The following THOC5 variants were observed in gnomAD, a reference collection of about 807,000 sequenced individuals.
THOC5 encodes THO complex subunit 5, also known as Fms-interacting protein.
A neutral mutation model predicts 92.9 loss-of-function variants in THOC5; 43 were observed. The ratio of observed to expected loss-of-function variants is 0.46; its 90% CI spans 0.36 to 0.60. THOC5 has a LOEUF of 0.60. Ranked by LOEUF, THOC5 falls within the 20% of genes least tolerant of loss-of-function variation. The probability of loss-of-function intolerance (pLI) is 0.00; values close to 1 mark genes in which losing one functional copy is unlikely to be tolerated. For missense variants in THOC5, 659 were observed against 849.4 expected (o/e 0.78, Z 2.79); for synonymous variants, 296 against 320.1 (o/e 0.92, Z 0.80).
chr22:29,511,974 C>T (rs1839873787), intron 18 of THOC5, 47 bp downstream of exon 18: 1 of 1,545,578 alleles, frequency 6.5e-7, no homozygotes. Context: ...GGCCACCTCC[C>T]CCGGGAGCTC....
chr22:29,552,468 C>T (rs1878475146), intron 1 of THOC5, among the ~76,000 whole-genome samples: 1 of 150,936 alleles, frequency 6.6e-6, no homozygotes, highest in Non-Finnish European at 1.5e-5. Context: ...GCGTCTCTGC[C>T]CGGCTGCCCC....
rs1334654148 is a variant in THOC5 at position 29,520,110 on chromosome 22, G to A, written c.1278-6C>T. 1 of 1,612,482 alleles carries A rather than the reference G, an allele frequency of 6.2e-7. No homozygotes were observed. The highest frequency in any genetic ancestry group is 8.5e-7 in the Non-Finnish European group (1 of 1,178,888). On this transcript the variant is annotated splice_region_variant and splice_polypyrimidine_tract_variant and intron_variant, in intron 13 of 19. Transcript: ENST00000490103. ...AGTCGCTCAAAGTCAGGATGCTGCA[G>A]AAAAGAAGATAAATAAAATTGTGCT...
chr22:29,551,389 G>A (rs997919382), intron 1 of THOC5, among the ~76,000 whole-genome samples: 18 of 152,034 alleles, frequency 1.2e-4, no homozygotes, highest in East Asian at 5.8e-4. Flanking sequence ...AGCCGAGATC[G>A]CAGCCACTTC....
At chr22:29,524,911 G>C (rs1477734272) in intron 12 of THOC5, among the ~76,000 whole-genome samples, 1 of 152,196 alleles carries the variant, frequency 6.6e-6, no homozygotes, top group African/African-American at 2.4e-5. Flanking sequence ...CAGTGCTCTT[G>C]TGAATGGAAG....
chr22:29,509,248 C>A (rs530695783), intron 19 of THOC5, among the ~76,000 whole-genome samples: 2 of 149,604 alleles, frequency 1.3e-5, no homozygotes, highest in South Asian at 4.3e-4. Flanking sequence ...TACACTCCAG[C>A]CTGGGCGACA....
intron 17 of THOC5, 78 bp from the exon 18 acceptor site, chr22:29,512,214 C>A: frequency 9.0e-7 from 1 of 1,108,036 alleles, no homozygotes; most frequent in South Asian, 1.3e-5. Flanking sequence ...CCACTGCACC[C>A]CTGAGGCTAG....
In THOC5 at chr22:29,512,078, G is replaced by A; in HGVS notation, c.1740C>T (p.Phe580=). 1 of 1,614,134 alleles carries A rather than the reference G, an allele frequency of 6.2e-7. No individual in the cohort carries two copies. Among genetic ancestry groups the A allele is most frequent in the Middle Eastern group, 1.6e-4 (1 of 6,062 alleles). ...NPGYSSIPPV[F]QLCLNWKGEK... is the part of the protein sequence containing the mutation. ...CCCCTTTCCAGTTCAAACAGAGCTG[G>A]AAAACAGGTGGGATGGAGGAGTAGC... Residue 580 remains phenylalanine (F), a synonymous_variant, in exon 18 of 20, where the codon TTC becomes TTT. Transcript: ENST00000490103.
chr22:29,553,127 G>A (rs1295184803), intron 1 of THOC5, among the ~76,000 whole-genome samples: 1 of 152,126 alleles, frequency 6.6e-6, no homozygotes, highest in Non-Finnish European at 1.5e-5. Context: ...CCTCTGCCTA[G>A]GAAAACCAGA....
chr22:29,526,455 C>A (rs2146490010), intron 11 of THOC5, among the ~76,000 whole-genome samples: 1 of 151,896 alleles, frequency 6.6e-6, no homozygotes, highest in East Asian at 1.9e-4. Context: ...TGGTGTGAAC[C>A]CAGGAGGTGG....
chr22:29,544,094 A>G (rs991780863), intron 3 of THOC5, among the ~76,000 whole-genome samples: 2 of 152,192 alleles, frequency 1.3e-5, no homozygotes, highest in Non-Finnish European at 2.9e-5. Flanking sequence ...TTTACTATTA[A>G]TGATAATTTC....
chr22:29,529,425 C>T (rs550395555), intron 8 of THOC5, among the ~76,000 whole-genome samples, 186 bp from the exon 9 acceptor site: 179 of 152,222 alleles, frequency 1.2e-3, no homozygotes, highest in African/African-American at 3.9e-3. Flanking sequence ...CTTTTTTTTC[C>T]GTCATTTACT....
intron 15 of THOC5, 130 bp from the exon 16 acceptor site, chr22:29,517,496 AG>A (rs1939421628): frequency 5.5e-6 from 4 of 728,290 alleles, no homozygotes; most frequent in East Asian, 5.4e-5. Flanking sequence ...CCTGGTACTC[AG>A]GAAGTACCCA....
Position 29,529,054 on chromosome 22 carries a change from C to G in THOC5, c.925+108G>C, listed in dbSNP as rs73388921. On this transcript the variant is annotated intron_variant, in intron 9 of 19. Coordinates refer to ENST00000490103, the MANE Select transcript of THOC5 (RefSeq NM_003678.5). ...CTCCAGGGTGCTAAGACATTCAAGT[C>G]AAGCTTCCTGCTACACAGAACTAGT... is the stretch of plus-strand genomic sequence containing the variant. The G allele has an allele frequency of 2.9e-3, 3,287 of 1,129,504 alleles. 66 individuals are homozygous for G. The African/African-American group carries it at 0.047, about 16-fold the overall frequency. The allele number at this position is 1,129,504 out of a possible 1,614,324, so 70.0% of individuals were successfully genotyped here.
In THOC5 at chr22:29,508,254, A is replaced by C; in HGVS notation, c.*203T>G. 1 of 591,354 alleles carries C rather than the reference A, an allele frequency of 1.7e-6. No individual in the cohort carries two copies. The allele number at this position is 591,354 out of a possible 1,614,324, so 36.6% of individuals were successfully genotyped here. A position where few individuals can be genotyped will look rare whatever the true frequency, so the allele number is the denominator to read the frequency against. On this transcript the variant is annotated 3_prime_UTR_variant, in exon 20 of 20. Transcript: ENST00000490103. Reference sequence around the variant, plus strand: ...AGTCTCTCTACAAATGCTTTTTCACACTGTGTCACAGCTCCCACCTGCCCT... The same window carrying C: ...AGTCTCTCTACAAATGCTTTTTCACCCTGTGTCACAGCTCCCACCTGCCCT...
In THOC5 at chr22:29,529,197, G is replaced by A; in HGVS notation, c.890C>T (p.Ala297Val). The A allele has an allele frequency of 5.0e-6, 8 of 1,614,204 alleles. No homozygotes were observed. Among genetic ancestry groups the A allele is most frequent in the Non-Finnish European group, 6.8e-6 (8 of 1,180,030 alleles). The change falls in exon 9 of 20, where the codon GCC (alanine) becomes GTC (valine). Residue 297 changes from alanine (A) to valine (V), a missense_variant. Transcript: ENST00000490103. ...CTCTGGAGGTTTGAACAGAGCCTTG[G>A]CTTCATCCACACTGCCTTCGATTGC... ...SVAIEGSVDE[A>V]KALFKPPEDS... is the part of the protein sequence containing the mutation.
At chr22:29,509,745 ACT>A (rs1170054004) in intron 19 of THOC5, among the ~76,000 whole-genome samples, 79 of 139,634 alleles carry the variant, frequency 5.7e-4, no homozygotes, top group East Asian at 6.8e-4. Flanking sequence ...CACTGCTTAG[ACT>A]GACAGGGAAC....
At chr22:29,517,185 G>A in intron 16 of THOC5, 69 bp from the exon 17 acceptor site, 1 of 1,606,192 alleles carries the variant, frequency 6.2e-7, no homozygotes, top group South Asian at 1.1e-5. Context: ...CTCTTCCAGT[G>A]AGGTGGCAGG....
chr22:29,509,754 G>A (rs2063189477), intron 19 of THOC5, among the ~76,000 whole-genome samples: 1 of 137,744 alleles, frequency 7.3e-6, no homozygotes, highest in Non-Finnish European at 1.5e-5. Context: ...GACTGACAGG[G>A]AACAGAGAAC....
Position 29,539,414 on chromosome 22 carries a change from T to C in THOC5, c.515A>G (p.Asp172Gly). Reference protein sequence around the residue: ...LEEFYKEAPPDISKAEVTMGD... With the variant: ...LEEFYKEAPPGISKAEVTMGD... ...CATGGTGACTTCGGCCTTGCTGATA[T>C]CTGGTGGAGCCTCCTTATAAAACTC... Residue 172 changes from aspartate (D) to glycine (G), a missense_variant, in exon 6 of 20, where the codon GAT becomes GGT. Asp to Gly is a moderately conservative substitution (Grantham distance 94). Coordinates refer to ENST00000490103, the MANE Select transcript of THOC5 (RefSeq NM_003678.5). The C allele has an allele frequency of 1.9e-6, 3 of 1,614,166 alleles. No individual in the cohort carries two copies. Among genetic ancestry groups the C allele is most frequent in the Non-Finnish European group, 1.7e-6 (2 of 1,180,002 alleles).
Sources: gnomAD v4.1 joint callset for allele counts (sites outside exome capture counted in the v4.1 genomes callset) on GRCh38, gnomAD v4.1.1 for gene constraint, MANE v1.5 for transcripts, NCBI Gene and HGNC (gene_info 2026-07-23, HGNC 2026-07-21) for gene names.